SEMA4D: variants seen among roughly 807,000 people sequenced by gnomAD.
The protein encoded by SEMA4D is semaphorin 4D.
A neutral mutation model predicts 74.8 loss-of-function variants in SEMA4D; 22 were observed. That is an observed-to-expected ratio of 0.29 (90% confidence interval 0.21 to 0.42). The LOEUF (loss-of-function observed/expected upper bound fraction) is 0.42, where lower values mean the gene tolerates loss of function less well. Ranked by LOEUF, SEMA4D falls within the 10% of genes least tolerant of loss-of-function variation. SEMA4D has a pLI of 1.00. For synonymous variants in SEMA4D, 445 were observed against 463.7 expected (o/e 0.96, Z 0.52); for missense variants, 937 against 1,118.4 (o/e 0.84, Z 2.31).
intron 18 of SEMA4D, among the ~76,000 whole-genome samples, chr9:89,362,916 G>A (rs1337108628): frequency 2.0e-5 from 3 of 152,160 alleles, no homozygotes; most frequent in African/African-American, 7.2e-5. Flanking sequence ...GAGACAGGGA[G>A]CCTCTAGGGA....
intron 4 of SEMA4D, among the ~76,000 whole-genome samples, chr9:89,401,945 G>A (rs1172625748): frequency 1.3e-5 from 2 of 152,068 alleles, no homozygotes; most frequent in Non-Finnish European, 2.9e-5. Flanking sequence ...CGAGACTGAG[G>A]AGGAGGAACA....
At chr9:89,407,509 T>C (rs1843568548) in intron 2 of SEMA4D, among the ~76,000 whole-genome samples, 1 of 152,238 alleles carries the variant, frequency 6.6e-6, no homozygotes, top group African/African-American at 2.4e-5. Context: ...GCTTGCAGAT[T>C]TTTGTTACCA....
rs373051204 is a variant in SEMA4D, at chr9:89,363,528, C to T, written c.2093-1G>A. The T allele has an allele frequency of 1.2e-6, 2 of 1,613,950 alleles. No homozygotes were observed. The stretch of plus-strand genomic sequence containing the variant: ...GTCCACCTCTCCTGGTGGGTCACTT[C>T]TGGAAAACAAGCAGGGTCCCCAGGT... On this transcript the variant is annotated splice_acceptor_variant, in intron 17 of 18. Coordinates refer to the SEMA4D transcript ENST00000339861. LOFTEE classifies it high-confidence loss of function.
Position 89,481,180 on chromosome 9 carries a change from C to T in SEMA4D, c.-310+16739G>A, listed in dbSNP as rs1824629272. Among the ~76,000 whole-genome samples the T allele has an allele frequency of 2.6e-5, 4 of 152,300 alleles. No homozygotes were observed. In the South Asian group the frequency reaches 8.3e-4, roughly 32 times the overall value. Reference sequence around the variant, plus strand: ...ACAGAAACTGTGAAGCTGAAAAACACCATGTTAGGAATGACAGGGACGTGC... The same window carrying T: ...ACAGAAACTGTGAAGCTGAAAAACATCATGTTAGGAATGACAGGGACGTGC... On this transcript the variant is annotated intron_variant, in intron 1 of 15. Coordinates refer to ENST00000422704, the MANE Select transcript of SEMA4D (RefSeq NM_001371194.2).
Position 89,378,624 on chromosome 9 carries a change from A to T in SEMA4D, c.*80T>A. 9.2e-7 allele frequency: 1 copy of T among 1,092,558 alleles called. No homozygotes were observed. Among genetic ancestry groups the T allele is most frequent in the Non-Finnish European group, 1.4e-6 (1 of 730,478 alleles). 67.7% of individuals were successfully genotyped at this position (1,092,558 alleles called of 1,614,324 possible). On this transcript the variant is annotated 3_prime_UTR_variant, in exon 16 of 16. Transcript: ENST00000422704. ...CTACGCAGCACTGCACGAGACTCGGATACTGAACAGGAGAAACACAAAACT... is the reference window on the plus strand; with the variant it reads ...CTACGCAGCACTGCACGAGACTCGGTTACTGAACAGGAGAAACACAAAACT...
chr9:89,433,726 C>T (rs943767010), intron 2 of SEMA4D, among the ~76,000 whole-genome samples: 2 of 152,178 alleles, frequency 1.3e-5, no homozygotes, highest in Non-Finnish European at 2.9e-5. Context: ...TCACAGGGTC[C>T]GGGGGCAACA....
intron 6 of SEMA4D, among the ~76,000 whole-genome samples, chr9:89,394,481 G>A (rs1484504553): frequency 6.6e-6 from 1 of 152,230 alleles, no homozygotes; most frequent in Non-Finnish European, 1.5e-5. Flanking sequence ...AAACCCATCT[G>A]GACAGCACAG....
intron 18 of SEMA4D, chr9:89,362,544 T>C: frequency 1.9e-6 from 3 of 1,572,626 alleles, no homozygotes; most frequent in Non-Finnish European, 2.6e-6. Context: ...CTCAGCCCCC[T>C]GTTGTGGTTC....
intron 1 of SEMA4D, among the ~76,000 whole-genome samples, chr9:89,459,959 T>C (rs1331276693): frequency 6.6e-6 from 1 of 152,174 alleles, no homozygotes; most frequent in Admixed American, 6.5e-5. Flanking sequence ...AGAAATCCCC[T>C]GCCCTCTGCG....
chr9:89,395,692 C>T (rs559849546), intron 6 of SEMA4D, among the ~76,000 whole-genome samples: 82 of 152,234 alleles, frequency 5.4e-4, no homozygotes, highest in African/African-American at 1.8e-3. Flanking sequence ...TATCAGGTTT[C>T]GTTGCCAGCA....
exon 19 of SEMA4D, chr9:89,362,075 A>G (rs1315905699): frequency 3.9e-6 from 2 of 518,710 alleles, no homozygotes; most frequent in Admixed American, 3.2e-5. Flanking sequence ...AGGAACCTGC[A>G]CACACCCTGC....
chr9:89,470,256 T>C (rs987723421), intron 1 of SEMA4D, among the ~76,000 whole-genome samples: 21 of 152,162 alleles, frequency 1.4e-4, no homozygotes, highest in African/African-American at 4.8e-4. Flanking sequence ...AACTTGTATT[T>C]AGAATATATA....
intron 16 of SEMA4D, among the ~76,000 whole-genome samples, chr9:89,370,973 A>ATCTGGGGTGAGCTGTG (rs1388536106): frequency 1.5e-5 from 1 of 67,364 alleles, no homozygotes; most frequent in African/African-American, 6.1e-5. Context: ...TAGGGTGTGT[A>ATCTGGGGTGAGCTGTG]TCTGGGGTGA....
intron 2 of SEMA4D, among the ~76,000 whole-genome samples, chr9:89,431,050 T>C (rs759250041): frequency 6.6e-6 from 1 of 152,220 alleles, no homozygotes; most frequent in Non-Finnish European, 1.5e-5. Context: ...TATAGCATGC[T>C]ATGCCGGCAG....
chr9:89,393,312 G>A (rs74360704), intron 7 of SEMA4D, among the ~76,000 whole-genome samples: 17,724 of 152,220 alleles, frequency 0.12, 1,145 homozygotes, highest in African/African-American at 0.14. Context: ...CTCAGCACGC[G>A]GGGATTATCC....
rs1832862142 is a variant in SEMA4D, at chr9:89,362,567, T to A, written c.2191-139A>T. ...CCTGTTGTGGTTCCCCTCCTTGGAG[T>A]CTAAAGATCCAAATGCCAGGAGTGG... On this transcript the variant is annotated intron_variant, in intron 18 of 18. Transcript: ENST00000339861. 6.1e-6 allele frequency: 9 copies of A among 1,472,144 alleles called. No homozygotes were observed. In the South Asian group the frequency reaches 1.0e-4, roughly 17 times the overall value. The allele number at this position is 1,472,144 out of a possible 1,614,324, so 91.2% of individuals were successfully genotyped here.
intron 1 of SEMA4D, chr9:89,472,474 C>CT (rs926944387): frequency 1.9e-5 from 5 of 262,322 alleles, no homozygotes; most frequent in African/African-American, 9.2e-5. Flanking sequence ...AGAAGCACCC[C>CT]CCTTTTGTAA....
At chr9:89,388,329 T>C (rs931660994) in intron 11 of SEMA4D, among the ~76,000 whole-genome samples, 1 of 152,272 alleles carries the variant, frequency 6.6e-6, no homozygotes, top group African/African-American at 2.4e-5. Context: ...GCAGAGGCCT[T>C]TGCCAAGGAA....
At chr9:89,470,566 T>C (rs996595900) in intron 1 of SEMA4D, among the ~76,000 whole-genome samples, 2 of 152,224 alleles carry the variant, frequency 1.3e-5, no homozygotes, top group Admixed American at 6.5e-5. Flanking sequence ...CAGTTTCTTA[T>C]AAGAATAAAC....
Sources: allele counts gnomAD v4.1 joint callset (sites outside exome capture counted in the v4.1 genomes callset), GRCh38; gene constraint gnomAD v4.1.1; transcripts MANE v1.5; gene names NCBI Gene and HGNC (gene_info 2026-07-23, HGNC 2026-07-21).